The following THSD7B variants were observed in gnomAD, a reference collection of about 807,000 sequenced individuals.
THSD7B encodes the protein thrombospondin type-1 domain-containing protein 7B.
Under a neutral mutation model 213.6 loss-of-function variants are expected in THSD7B, and 138 were observed. The observed-to-expected ratio is 0.65, with a 90% CI of 0.56 to 0.74. The LOEUF is 0.74. Ranked by LOEUF, THSD7B falls within the 30% of genes least tolerant of loss-of-function variation. THSD7B has a pLI of 0.00. For missense variants in THSD7B, 1,931 were observed against 1,991.5 expected (o/e 0.97, Z 0.58); for synonymous variants, 742 against 687.0 (o/e 1.08, Z -1.25).
intron 3 of THSD7B, among the ~76,000 whole-genome samples, chr2:137,074,216 G>A (rs1215994175): frequency 1.3e-5 from 2 of 152,030 alleles, no homozygotes; most frequent in Non-Finnish European, 2.9e-5. Context: ...ATGTGTGGGA[G>A]TCTAAGTCTC....
chr2:137,213,030 T>TAAAAAA (rs59100734), intron 7 of THSD7B, among the ~76,000 whole-genome samples: 1 of 126,782 alleles, frequency 7.9e-6, no homozygotes, highest in African/African-American at 2.9e-5. Flanking sequence ...ATCTGTATGC[T>TAAAAAA]AAAAAAAAAA....
At chr2:137,073,150 T>C (rs1031148871) in intron 3 of THSD7B, among the ~76,000 whole-genome samples, 2 of 147,368 alleles carry the variant, frequency 1.4e-5, no homozygotes, top group Non-Finnish European at 3.0e-5. Context: ...CCTCTTTTTC[T>C]ATTGATTGGA....
chr2:136,912,980 A>C (rs779821762), intron 2 of THSD7B, among the ~76,000 whole-genome samples: 11 of 152,222 alleles, frequency 7.2e-5, no homozygotes, highest in Non-Finnish European at 1.0e-4. Flanking sequence ...ACAGACAGAG[A>C]TTGGAAGAGT....
At chr2:137,403,519 C>T (rs374186565) in intron 12 of THSD7B, among the ~76,000 whole-genome samples, 4 of 152,246 alleles carry the variant, frequency 2.6e-5, no homozygotes, top group African/African-American at 9.6e-5. Flanking sequence ...AAAAGTGATC[C>T]TAAACTATGA....
intron 2 of THSD7B, 27 bp from the exon 3 acceptor site, chr2:137,056,393 T>C (rs765627311): frequency 6.3e-7 from 1 of 1,584,722 alleles, no homozygotes. Context: ...CTCTGAGTAA[T>C]TAACATCCTT....
chr2:136,822,594 C>A (rs1217182475), intron 1 of THSD7B, among the ~76,000 whole-genome samples: 1 of 152,178 alleles, frequency 6.6e-6, no homozygotes, highest in African/African-American at 2.4e-5. Flanking sequence ...CATTATACAG[C>A]AGGGTTTTGA....
chr2:137,269,610 T>G (rs1682687608), intron 10 of THSD7B, among the ~76,000 whole-genome samples: 1 of 152,218 alleles, frequency 6.6e-6, no homozygotes, highest in South Asian at 2.1e-4. Context: ...ATTCTGAGGC[T>G]AAATAGTACA....
intron 10 of THSD7B, among the ~76,000 whole-genome samples, chr2:137,248,895 T>A (rs2105071132): frequency 6.6e-6 from 1 of 152,308 alleles, no homozygotes; most frequent in South Asian, 2.1e-4. Context: ...TTTTGAGAAA[T>A]TAAACACAGC....
intron 14 of THSD7B, among the ~76,000 whole-genome samples, chr2:137,433,448 C>T (rs1376581735): frequency 6.6e-6 from 1 of 151,978 alleles, no homozygotes; most frequent in Non-Finnish European, 1.5e-5. Flanking sequence ...TCTCCACCTC[C>T]TGGGTTTAAG....
chr2:137,273,977 G>T (rs533660453), intron 11 of THSD7B, among the ~76,000 whole-genome samples: 49 of 151,912 alleles, frequency 3.2e-4, no homozygotes, highest in Non-Finnish European at 6.3e-4. Flanking sequence ...ACTATTAGTG[G>T]GATCTTCCAT....
intron 2 of THSD7B, among the ~76,000 whole-genome samples, chr2:136,963,958 G>A (rs1558869220): frequency 6.6e-6 from 1 of 151,876 alleles, no homozygotes; most frequent in Non-Finnish European, 1.5e-5. Flanking sequence ...GCTATCATAG[G>A]TAGAAAATAT....
At chr2:136,890,331 CT>C (rs1335852922) in intron 2 of THSD7B, among the ~76,000 whole-genome samples, 2 of 3,238 alleles carry the variant, frequency 6.2e-4, no homozygotes, top group African/African-American at 1.7e-3. Context: ...TCTTCTTCTT[CT>C]TCTTCTTCTT....
In THSD7B at chr2:137,275,913, G is replaced by A. The variant is rs2104811136; in HGVS notation, c.2397-10G>A. 5 of 1,602,700 alleles carry A rather than the reference G, an allele frequency of 3.1e-6. No homozygotes were observed. Among genetic ancestry groups the A allele is most frequent in the Non-Finnish European group, 4.3e-6 (5 of 1,174,478 alleles). On this transcript the variant is annotated splice_polypyrimidine_tract_variant and intron_variant, in intron 11 of 27. Transcript: ENST00000409968. The stretch of plus-strand genomic sequence containing the variant: ...TAAAGTTTCTAGTCCATCGTTTTTG[G>A]TAATCACAGGTGGAAGCCACAGAAA...
chr2:137,447,121 G>C (rs1687556475), intron 14 of THSD7B, among the ~76,000 whole-genome samples: 1 of 151,958 alleles, frequency 6.6e-6, no homozygotes, highest in South Asian at 2.1e-4. Context: ...TAGTCCTGTT[G>C]AATTTCAAAA....
intron 3 of THSD7B, among the ~76,000 whole-genome samples, chr2:137,075,250 C>T (rs961208647): frequency 1.3e-5 from 2 of 152,212 alleles, no homozygotes; most frequent in Non-Finnish European, 2.9e-5. Flanking sequence ...GGTCTTTTCA[C>T]ATAGTCCCAT....
rs1182130976 is a variant in THSD7B, at chr2:137,252,266, C to CAAAA, written c.2266+9715_2266+9718dup. Among the ~76,000 whole-genome samples the CAAAA allele has an allele frequency of 1.6e-3, 95 of 59,654 alleles. 6 individuals carry two copies. The highest frequency in any genetic ancestry group is 5.7e-3 in the African/African-American group (83 of 14,518). The allele number at this position is 59,654 out of a possible 152,430, so 39.1% of individuals were successfully genotyped here. A position where few individuals can be genotyped will look rare whatever the true frequency, so the allele number is the denominator to read the frequency against. On this transcript the variant is annotated intron_variant, in intron 10 of 27. Transcript: ENST00000409968. ...TGGGTGACAGAGCGAGACTCTGTCT[C>CAAAA]AAAAAAAAAAAAAAAAAAAAAAAAC...
chr2:136,892,345 T>C (rs1334478956), intron 2 of THSD7B, among the ~76,000 whole-genome samples: 3 of 152,182 alleles, frequency 2.0e-5, no homozygotes, highest in Non-Finnish European at 4.4e-5. Flanking sequence ...GAGAAGATAG[T>C]TACCTGGCCA....
chr2:137,113,416 G>T (rs1307038182), intron 4 of THSD7B, among the ~76,000 whole-genome samples: 2 of 151,976 alleles, frequency 1.3e-5, no homozygotes, highest in African/African-American at 4.8e-5. Flanking sequence ...GTTTTGTGGG[G>T]TTTTTGTGTG....
chr2:137,610,259 A>G (rs963801645), intron 17 of THSD7B, among the ~76,000 whole-genome samples: 1 of 151,938 alleles, frequency 6.6e-6, no homozygotes, highest in African/African-American at 2.4e-5. Context: ...CTAGAATGGG[A>G]TGGGACCCAA....
Sources: allele counts gnomAD v4.1 joint callset (sites outside exome capture counted in the v4.1 genomes callset), GRCh38; gene constraint gnomAD v4.1.1; transcripts MANE v1.5; gene names NCBI Gene and HGNC (gene_info 2026-07-23, HGNC 2026-07-21).